BEND7: variants seen among roughly 807,000 people sequenced by gnomAD.
BEND7 encodes BEN domain-containing protein 7.
In BEND7, 28 loss-of-function variants were observed where a neutral mutation model predicts 50.9. The observed-to-expected ratio is 0.55, with a 90% CI of 0.41 to 0.75. BEND7 has a LOEUF of 0.75. Ranked by LOEUF, BEND7 falls within the 30% of genes least tolerant of loss-of-function variation. The probability of loss-of-function intolerance (pLI) is 0.00; values close to 1 mark genes in which losing one functional copy is unlikely to be tolerated. For synonymous variants in BEND7, 170 were observed against 183.9 expected (o/e 0.92, Z 0.61); for missense variants, 477 against 491.3 (o/e 0.97, Z 0.28).
chr10:13,496,943 A>G lies in BEND7; in HGVS notation c.449-55T>C. 2.0e-6 allele frequency: 3 copies of G among 1,485,546 alleles called. 1 individual carries two copies. Among genetic ancestry groups the G allele is most frequent in the Admixed American group, 5.2e-5 (2 of 38,286 alleles). The allele number at this position is 1,485,546 out of a possible 1,614,324, so 92.0% of individuals were successfully genotyped here. A position where few individuals can be genotyped will look rare whatever the true frequency, so the allele number is the denominator to read the frequency against. ...CCAAACAAACCAAAAAAAAAAAAAA[A>G]AATCATAAAGAGGTGGAGAGAAAAA... is the stretch of plus-strand genomic sequence containing the variant. On this transcript the variant is annotated intron_variant, in intron 3 of 8. Coordinates refer to ENST00000466271, the MANE Select transcript of BEND7 (RefSeq NM_001369863.1).
At chr10:13,480,688 C>T (rs2131721513) in intron 6 of BEND7, 1 of 985,178 alleles carries the variant, frequency 1.0e-6, no homozygotes, top group Non-Finnish European at 1.2e-6. Flanking sequence ...ATTATTATTT[C>T]AACAAATTAA....
At chr10:13,453,913 T>C (rs1838341378) in intron 6 of BEND7, among the ~76,000 whole-genome samples, 1 of 152,236 alleles carries the variant, frequency 6.6e-6, no homozygotes, top group African/African-American at 2.4e-5. Flanking sequence ...CCTGGAAATT[T>C]ATCCTAAGGA....
At chr10:13,487,002 C>T (rs930518466) in intron 5 of BEND7, among the ~76,000 whole-genome samples, 6 of 152,184 alleles carry the variant, frequency 3.9e-5, no homozygotes, top group Non-Finnish European at 8.8e-5. Flanking sequence ...TGACTGCCTG[C>T]GCCACAGCTG....
intron 2 of BEND7, chr10:13,500,485 C>G: frequency 1.0e-6 from 1 of 998,394 alleles, no homozygotes; most frequent in South Asian, 4.4e-5. Flanking sequence ...GAGGAATGGG[C>G]AGGTCACTAA....
intron 2 of BEND7, among the ~76,000 whole-genome samples, chr10:13,523,895 G>A (rs1044281557): frequency 2.0e-5 from 3 of 152,154 alleles, no homozygotes; most frequent in African/African-American, 7.2e-5. Flanking sequence ...ACCCAAGAAT[G>A]AGCAAAAGAT....
Position 13,441,222 on chromosome 10 carries a change from AT to A in BEND7, c.*520del, listed in dbSNP as rs1835271124. 2 of 917,252 alleles carry A rather than the reference AT, an allele frequency of 2.2e-6. No individual in the cohort carries two copies. The highest frequency in any genetic ancestry group is 2.6e-6 in the Non-Finnish European group (2 of 768,056). 56.8% of individuals were successfully genotyped at this position (917,252 alleles called of 1,614,324 possible). On this transcript the variant is annotated 3_prime_UTR_variant, in exon 9 of 9. Coordinates refer to ENST00000466271, the MANE Select transcript of BEND7 (RefSeq NM_001369863.1). ...GAATTCTTTTTTAAAGAACATAGTA[AT>A]TTTAAAAAATCTAAATATTTACATA...
chr10:13,452,689 C>A (rs1208021981), intron 6 of BEND7, 31 bp from the exon 7 acceptor site: 1 of 1,518,346 alleles, frequency 6.6e-7, no homozygotes. Context: ...TTGTTAAATA[C>A]CTTAACAAGT....
intron 2 of BEND7, among the ~76,000 whole-genome samples, chr10:13,517,652 C>G (rs1004202977): frequency 2.6e-5 from 4 of 152,132 alleles, no homozygotes; most frequent in African/African-American, 9.7e-5. Context: ...ACTTGGGAGG[C>G]TGAGTACCTT....
chr10:13,496,884 T>C lies in BEND7; in HGVS notation c.453A>G (p.Glu151=). Residue 151 remains glutamate (E), a synonymous_variant, in exon 4 of 9, where the codon GAA becomes GAG. Transcript: ENST00000466271. ...QPHPTTSSNG[E]LPVVNSSAGS... is the part of the protein sequence containing the mutation. Reference sequence around the variant, plus strand: ...CAGCTGATGAATTCACCACTGGAAGTTCTCCTGAGCATGAAAGAAAAGAAT... The same window carrying C: ...CAGCTGATGAATTCACCACTGGAAGCTCTCCTGAGCATGAAAGAAAAGAAT... 6.2e-7 allele frequency: 1 copy of C among 1,603,166 alleles called. No individual in the cohort carries two copies.
intron 2 of BEND7, among the ~76,000 whole-genome samples, chr10:13,513,111 C>T (rs1466850792): frequency 6.6e-6 from 1 of 152,148 alleles, no homozygotes; most frequent in African/African-American, 2.4e-5. Context: ...GTTTTCTATT[C>T]TACTCTATTT....
At chr10:13,475,421 AGCT>A (rs1191253107) in intron 6 of BEND7, among the ~76,000 whole-genome samples, 3 of 152,198 alleles carry the variant, frequency 2.0e-5, no homozygotes, top group African/African-American at 7.2e-5. Flanking sequence ...TTGGAACACA[AGCT>A]ATATCAAGTG....
At chr10:13,495,377 T>C (rs2076953841) in intron 4 of BEND7, among the ~76,000 whole-genome samples, 1 of 152,202 alleles carries the variant, frequency 6.6e-6, no homozygotes, top group Admixed American at 6.5e-5. Context: ...AAAGATGCTG[T>C]TTAGCCCGGC....
At chr10:13,512,461 G>A (rs1279343300) in intron 2 of BEND7, among the ~76,000 whole-genome samples, 1 of 152,238 alleles carries the variant, frequency 6.6e-6, no homozygotes, top group African/African-American at 2.4e-5. Flanking sequence ...AGCTGCTTCT[G>A]AATTCCTACA....
At chr10:13,456,182 G>A (rs1297046024) in intron 6 of BEND7, among the ~76,000 whole-genome samples, 2 of 152,168 alleles carry the variant, frequency 1.3e-5, no homozygotes, top group Admixed American at 1.3e-4. Flanking sequence ...AAAGGCTCAT[G>A]GGCTTGGAGC....
At chr10:13,443,837 TATAA>T (rs1835727380) in intron 8 of BEND7, 1 of 152,240 alleles carries the variant, frequency 6.6e-6, no homozygotes, top group African/African-American at 2.4e-5. Context: ...ATCTCCACTG[TATAA>T]ATAAATAAAA....
chr10:13,508,522 T>C (rs1404738810), intron 2 of BEND7, among the ~76,000 whole-genome samples: 1 of 152,208 alleles, frequency 6.6e-6, no homozygotes, highest in Non-Finnish European at 1.5e-5. Flanking sequence ...AATCATTTAA[T>C]TGGATGAATC....
intron 6 of BEND7, among the ~76,000 whole-genome samples, chr10:13,460,434 C>T (rs1839974405): frequency 6.6e-6 from 1 of 152,182 alleles, no homozygotes; most frequent in African/African-American, 2.4e-5. Flanking sequence ...AAGCCTTGCT[C>T]TCTCTCTCTT....
At position 13,528,525 on chromosome 10, in the gene BEND7, G is replaced by C. The variant is rs762392956; in HGVS notation, c.9C>G (p.Phe3Leu). The C allele has an allele frequency of 7.7e-6, 8 of 1,036,346 alleles. No individual in the cohort carries two copies. The highest frequency in any genetic ancestry group is 8.1e-6 in the Non-Finnish European group (7 of 862,762). The allele number at this position is 1,036,346 out of a possible 1,614,324, so 64.2% of individuals were successfully genotyped here. The change falls in exon 1 of 9, where the codon TTC (phenylalanine) becomes TTG (leucine). Residue 3 changes from phenylalanine (F) to leucine (L), a missense_variant. Phe to Leu is a conservative substitution (Grantham distance 22, BLOSUM62 0). Transcript: ENST00000466271. The stretch of plus-strand genomic sequence containing the variant: ...ATTTCCTGCTTCTTTTCCTCTCGGA[G>C]AACTCCATGGTGCGGGGAAGGCGGC... The part of the protein sequence containing the change: ME[F>L]SERKRSRKSQ...
At chr10:13,444,333 T>G (rs1835834805) in intron 8 of BEND7, 1 of 152,196 alleles carries the variant, frequency 6.6e-6, no homozygotes, top group Non-Finnish European at 1.5e-5. Flanking sequence ...AGAAGGTTGC[T>G]TAAATGTAAT....
Sources: gnomAD v4.1 joint callset for allele counts (sites outside exome capture counted in the v4.1 genomes callset) on GRCh38, gnomAD v4.1.1 for gene constraint, MANE v1.5 for transcripts, NCBI Gene and HGNC (gene_info 2026-07-23, HGNC 2026-07-21) for gene names.